The following PALLD variants were observed in gnomAD, a reference collection of about 807,000 sequenced individuals.
PALLD encodes palladin.
Under a neutral mutation model 123.5 loss-of-function variants are expected in PALLD, and 61 were observed. That is an observed-to-expected ratio of 0.49 (90% CI 0.40 to 0.61). PALLD has a LOEUF of 0.61. Among genes scored for constraint, PALLD ranks in the 20% least tolerant of loss-of-function variants. The pLI, the probability that PALLD is intolerant of heterozygous loss-of-function variation, is 0.00. For missense variants in PALLD, 1,273 were observed against 1,377.0 expected (o/e 0.92, Z 1.20); for synonymous variants, 465 against 496.4 (o/e 0.94, Z 0.84).
rs56988474 is a variant in PALLD, at chr4:168,700,039, C to T, written c.1501+8747C>T. The T allele has an allele frequency of 7.9e-4, 255 of 323,550 alleles. 1 individual carries two copies. Among genetic ancestry groups the T allele is most frequent in the African/African-American group, 5.4e-3 (245 of 45,544 alleles). The allele number at this position is 323,550 out of a possible 1,614,324, so 20.0% of individuals were successfully genotyped here. A position where few individuals can be genotyped will look rare whatever the true frequency, so the allele number is the denominator to read the frequency against. Reference sequence around the variant, plus strand: ...TACAGATGTCTTATACGTCTTTGTTCGAGTGAGATGCCACCAGATGAAAAT... The same window carrying T: ...TACAGATGTCTTATACGTCTTTGTTTGAGTGAGATGCCACCAGATGAAAAT... On this transcript the variant is annotated intron_variant, in intron 8 of 21. Transcript: ENST00000505667.
chr4:168,890,879 T>C, intron 10 of PALLD, 43 bp from the exon 11 acceptor site: 1 of 1,610,570 alleles, frequency 6.2e-7, no homozygotes, highest in Non-Finnish European at 8.5e-7. Flanking sequence ...TGGATTTATA[T>C]GCCTGACAAC....
intron 10 of PALLD, among the ~76,000 whole-genome samples, chr4:168,826,320 G>C (rs1021906797): frequency 3.3e-5 from 5 of 152,174 alleles, no homozygotes; most frequent in African/African-American, 1.2e-4. Flanking sequence ...TGGTAAAATG[G>C]AGATCTTAGG....
At position 168,569,778 on chromosome 4, in the gene PALLD, G is replaced by T. The variant is rs560371136; in HGVS notation, c.908+57366G>T. 3.9e-5 allele frequency among the ~76,000 whole-genome samples: 6 copies of T among 152,218 alleles called. No homozygotes were observed. In the South Asian group the frequency reaches 1.2e-3, roughly 32 times the overall value. ...TCTACATCAGACTTGACCCCCGCAGGTTTGTAACTGAAACTTTGTATAAAT... is the reference window on the plus strand; with the variant it reads ...TCTACATCAGACTTGACCCCCGCAGTTTTGTAACTGAAACTTTGTATAAAT... On this transcript the variant is annotated intron_variant, in intron 2 of 21. Coordinates refer to ENST00000505667, the MANE Select transcript of PALLD (RefSeq NM_001166108.2).
intron 2 of PALLD, among the ~76,000 whole-genome samples, chr4:168,613,974 G>A (rs1026761356): frequency 6.6e-6 from 1 of 152,162 alleles, no homozygotes; most frequent in African/African-American, 2.4e-5. Flanking sequence ...TATTCTTCTG[G>A]TTTGTAGCTG....
chr4:168,787,705 C>T (rs1736942319), intron 10 of PALLD, among the ~76,000 whole-genome samples: 1 of 152,180 alleles, frequency 6.6e-6, no homozygotes, highest in African/African-American at 2.4e-5. Context: ...GCACTTTTCA[C>T]ATTTTTTCTC....
chr4:168,587,267 T>C lies in PALLD; in HGVS notation c.908+74855T>C, dbSNP rs1770926245. On this transcript the variant is annotated intron_variant, in intron 2 of 21. Transcript: ENST00000505667. Reference sequence around the variant, plus strand: ...TTGGAAAATTCTGGCATCATGATAGTCAATCCCCAGTGGAGACATTCTTTG... The same window carrying C: ...TTGGAAAATTCTGGCATCATGATAGCCAATCCCCAGTGGAGACATTCTTTG... 3.3e-5 allele frequency among the ~76,000 whole-genome samples: 5 copies of C among 152,312 alleles called. No homozygotes were observed. The South Asian group carries it at 1.0e-3, about 32-fold the overall frequency.
chr4:168,641,653 G>A (rs1020880382), intron 2 of PALLD, among the ~76,000 whole-genome samples: 2 of 152,098 alleles, frequency 1.3e-5, no homozygotes, highest in African/African-American at 4.8e-5. Context: ...TGATTTTGTC[G>A]GCCTCGGCTG....
chr4:168,610,665 A>G lies in PALLD; in HGVS notation c.909-57525A>G, dbSNP rs17054405. 8.2e-3 allele frequency among the ~76,000 whole-genome samples: 1,242 copies of G among 152,270 alleles called. 18 individuals carry two copies. The highest frequency in any genetic ancestry group is 0.028 in the African/African-American group (1,163 of 41,562). On this transcript the variant is annotated intron_variant, in intron 2 of 21. Transcript: ENST00000505667. ...AACCCAGACCCTCCTCTAGAGGCCA[A>G]CTTCCATTCGGGGCCAGCACTTTTA...
chr4:168,520,645 G>GT (rs1763474165), intron 2 of PALLD, among the ~76,000 whole-genome samples: 1 of 152,160 alleles, frequency 6.6e-6, no homozygotes, highest in South Asian at 2.1e-4. Flanking sequence ...GAATAATTCA[G>GT]AATCCAGCAA....
In PALLD at chr4:168,926,775, G is replaced by A. The variant is rs1427974055; in HGVS notation, c.*595G>A. The A allele has an allele frequency of 8.2e-6, 2 of 244,054 alleles. No individual in the cohort carries two copies. The highest frequency in any genetic ancestry group is 2.2e-5 in the African/African-American group (1 of 45,186). The allele number at this position is 244,054 out of a possible 1,614,324, so 15.1% of individuals were successfully genotyped here. A position where few individuals can be genotyped will look rare whatever the true frequency, so the allele number is the denominator to read the frequency against. ...GTGTGAAATGTTTAATGAGGGAGTT[G>A]TACCACAAACAGTACTACAATGATT... On this transcript the variant is annotated 3_prime_UTR_variant, in exon 22 of 22. Coordinates refer to ENST00000505667, the MANE Select transcript of PALLD (RefSeq NM_001166108.2).
intron 2 of PALLD, among the ~76,000 whole-genome samples, chr4:168,520,479 C>G (rs1159474595): frequency 6.6e-6 from 1 of 152,116 alleles, no homozygotes; most frequent in African/African-American, 2.4e-5. Flanking sequence ...TATCCTCTTT[C>G]TATCTTTTCC....
chr4:168,742,316 G>T (rs1788433722), intron 10 of PALLD, among the ~76,000 whole-genome samples: 1 of 152,100 alleles, frequency 6.6e-6, no homozygotes, highest in African/African-American at 2.4e-5. Flanking sequence ...TCCTGCTTTT[G>T]CTTATCCCTC....
intron 2 of PALLD, among the ~76,000 whole-genome samples, chr4:168,608,575 T>G (rs559646201): frequency 3.3e-4 from 50 of 152,330 alleles, no homozygotes; most frequent in Non-Finnish European, 5.9e-4. Flanking sequence ...AAGACCTCTT[T>G]AGAAAGCCTC....
chr4:168,683,110 A>G lies in PALLD; in HGVS notation c.1260+7A>G, dbSNP rs538365421. On this transcript the variant is annotated splice_region_variant and intron_variant, in intron 5 of 21. Transcript: ENST00000505667. ...GTCTGTCCCTGTGCAACAGGTAAGT[A>G]TGCTTTGAGCCAGAGCCCATAAGGG... 1 of 1,558,816 alleles carries G rather than the reference A, an allele frequency of 6.4e-7. No individual in the cohort carries two copies. The highest frequency in any genetic ancestry group is 8.8e-7 in the Non-Finnish European group (1 of 1,130,018).
At chr4:168,569,389 A>C (rs537824377) in intron 2 of PALLD, among the ~76,000 whole-genome samples, 149 of 152,248 alleles carry the variant, frequency 9.8e-4, no homozygotes, top group Middle Eastern at 3.4e-3. Flanking sequence ...CTACCATTTC[A>C]AGAGAATGAT....
At chr4:168,740,066 G>GA (rs974374529) in intron 10 of PALLD, among the ~76,000 whole-genome samples, 8 of 151,534 alleles carry the variant, frequency 5.3e-5, no homozygotes, top group South Asian at 2.1e-4. Flanking sequence ...GTTGAAACTG[G>GA]AAAAAAAATG....
intron 2 of PALLD, among the ~76,000 whole-genome samples, chr4:168,586,875 A>C (rs570076005): frequency 4.0e-5 from 6 of 151,556 alleles, no homozygotes; most frequent in Admixed American, 2.0e-4. Flanking sequence ...TTAAAAAAAA[A>C]TCGAACGTTC....
intron 10 of PALLD, among the ~76,000 whole-genome samples, chr4:168,771,023 C>T (rs144439765): frequency 1.4e-5 from 2 of 147,844 alleles, no homozygotes; most frequent in Non-Finnish European, 3.0e-5. Context: ...TGCACCACTG[C>T]ATTCCAACCT....
At chr4:168,635,027 G>T (rs756313326) in intron 2 of PALLD, among the ~76,000 whole-genome samples, 60 of 152,166 alleles carry the variant, frequency 3.9e-4, no homozygotes, top group Non-Finnish European at 5.1e-4. Flanking sequence ...AAATACCATT[G>T]CCAGAGAAGA....
Sources: gnomAD v4.1 joint callset for allele counts (sites outside exome capture counted in the v4.1 genomes callset) on GRCh38, gnomAD v4.1.1 for gene constraint, MANE v1.5 for transcripts, NCBI Gene and HGNC (gene_info 2026-07-23, HGNC 2026-07-21) for gene names.